Variants in WWTR1 observed in about 807,000 individuals in gnomAD.
The protein encoded by WWTR1 is WW domain-containing transcription regulator protein 1.
WWTR1 carries 13 observed loss-of-function variants against 40.1 expected under a neutral mutation model. The ratio of observed to expected loss-of-function variants is 0.32; its 90% CI spans 0.21 to 0.52. The LOEUF is 0.52. Ranked by LOEUF, WWTR1 falls within the 20% of genes least tolerant of loss-of-function variation. WWTR1 has a pLI of 0.97. For missense variants in WWTR1, 436 were observed against 523.1 expected (o/e 0.83, Z 1.63); for synonymous variants, 230 against 210.1 (o/e 1.09, Z -0.82).
chr3:149,578,502 T>C (rs984980561), intron 2 of WWTR1, among the ~76,000 whole-genome samples: 3 of 152,190 alleles, frequency 2.0e-5, no homozygotes, highest in Non-Finnish European at 4.4e-5. Flanking sequence ...TCAACAACCA[T>C]AGATCGTATA....
intron 2 of WWTR1, among the ~76,000 whole-genome samples, chr3:149,669,084 C>T (rs185232676): frequency 1.3e-5 from 2 of 152,136 alleles, no homozygotes; most frequent in Non-Finnish European, 2.9e-5. Context: ...AAGTTTTTAC[C>T]TTTAGTCAGT....
chr3:149,616,187 G>A (rs973627086), intron 2 of WWTR1, among the ~76,000 whole-genome samples: 1 of 152,036 alleles, frequency 6.6e-6, no homozygotes, highest in African/African-American at 2.4e-5. Flanking sequence ...CTGTCTCATC[G>A]CAGACTCAAT....
rs6780031 is a variant in WWTR1 at position 149,656,408 on chromosome 3, C to T, written c.431+468G>A. Among the ~76,000 whole-genome samples, 698 of 152,212 alleles carry T rather than the reference C, an allele frequency of 4.6e-3. 6 individuals carry two copies. Among genetic ancestry groups the T allele is most frequent in the African/African-American group, 0.016 (652 of 41,510 alleles). ...AACCACTGTTCACTTTTCCAGCTTG[C>T]TTTTCCCAAGAAGATAGAAACTGCA... On this transcript the variant is annotated intron_variant, in intron 2 of 6. Transcript: ENST00000360632.
At chr3:149,642,816 A>G (rs16862083) in intron 2 of WWTR1, among the ~76,000 whole-genome samples, 403 of 152,168 alleles carry the variant, frequency 2.6e-3, no homozygotes, top group African/African-American at 9.2e-3. Context: ...CAAAAGTTGC[A>G]TATGCATAGG....
chr3:149,699,871 C>T (rs1715117381), intron 1 of WWTR1, among the ~76,000 whole-genome samples: 2 of 152,210 alleles, frequency 1.3e-5, no homozygotes. Context: ...GCCTGTGACC[C>T]AGTTCCAAAG....
intron 2 of WWTR1, among the ~76,000 whole-genome samples, chr3:149,603,814 GA>G (rs202211665): frequency 1.0e-4 from 5 of 48,764 alleles, no homozygotes; most frequent in Admixed American, 2.6e-4. Context: ...TAATGTCAAT[GA>G]AAAAAAAATC....
Position 149,622,450 on chromosome 3 carries a change from A to AAAGGAAGG in WWTR1, c.431+34418_431+34425dup, listed in dbSNP as rs1217598530. Among the ~76,000 whole-genome samples the AAAGGAAGG allele has an allele frequency of 3.5e-3, 345 of 98,592 alleles. 7 individuals are homozygous for AAAGGAAGG. Among genetic ancestry groups the AAAGGAAGG allele is most frequent in the Non-Finnish European group, 4.2e-3 (198 of 47,384 alleles). 64.7% of individuals were successfully genotyped at this position (98,592 alleles called of 152,430 possible). ...AAACCATATTTTCCCAGAAAGAAAGAAAGGAAGGAAGGAAGGAAGGAAGGA... is the reference window on the plus strand; with the variant it reads ...AAACCATATTTTCCCAGAAAGAAAGAAAGGAAGGAAGGAAGGAAGGAAGGAAGGAAGGA... On this transcript the variant is annotated intron_variant, in intron 2 of 6. Transcript: ENST00000360632.
At chr3:149,548,952 G>A (rs1360928107) in intron 3 of WWTR1, among the ~76,000 whole-genome samples, 2 of 152,050 alleles carry the variant, frequency 1.3e-5, no homozygotes, top group Admixed American at 6.6e-5. Context: ...ACAGTACTTC[G>A]GTTCCAACAA....
chr3:149,584,478 A>T (rs1738311876), intron 2 of WWTR1, among the ~76,000 whole-genome samples: 1 of 152,218 alleles, frequency 6.6e-6, no homozygotes, highest in South Asian at 2.1e-4. Flanking sequence ...GAACCCCGGC[A>T]TCTCAAGAGA....
intron 3 of WWTR1, among the ~76,000 whole-genome samples, chr3:149,551,293 C>T (rs1194380882): frequency 4.2e-5 from 5 of 120,082 alleles, no homozygotes; most frequent in Admixed American, 8.5e-5. Context: ...AGTGAAACTT[C>T]GTCTCCAAAA....
intron 1 of WWTR1, among the ~76,000 whole-genome samples, chr3:149,692,924 C>A (rs990345923): frequency 1.3e-5 from 2 of 152,038 alleles, no homozygotes; most frequent in African/African-American, 4.8e-5. Context: ...TGTAAGCCAC[C>A]GTGCATGGCT....
chr3:149,560,381 T>A (rs573356193), intron 3 of WWTR1, among the ~76,000 whole-genome samples: 1 of 152,294 alleles, frequency 6.6e-6, no homozygotes. Flanking sequence ...GGGGCAGCCC[T>A]AGGCTGCAGT....
At chr3:149,675,574 A>C (rs1714234182) in intron 1 of WWTR1, among the ~76,000 whole-genome samples, 1 of 152,192 alleles carries the variant, frequency 6.6e-6, no homozygotes, top group African/African-American at 2.4e-5. Flanking sequence ...GGACAGCCAG[A>C]AGAAAGAGCT....
upstream of WWTR1, among the ~76,000 whole-genome samples, chr3:149,705,021 A>C (rs1360549023): frequency 6.6e-6 from 1 of 152,112 alleles, no homozygotes; most frequent in Non-Finnish European, 1.5e-5. Flanking sequence ...AAGAACAAAA[A>C]ATAACTCTTA....
chr3:149,661,422 A>C (rs1713569325), upstream of WWTR1: 1 of 108,848 alleles, frequency 9.2e-6, no homozygotes, highest in Non-Finnish European at 2.0e-5. Flanking sequence ...GTTGCAAATA[A>C]AGTCTTTTTT....
chr3:149,605,134 G>A (rs1739427009), intron 2 of WWTR1, among the ~76,000 whole-genome samples: 1 of 152,230 alleles, frequency 6.6e-6, no homozygotes. Context: ...TGGTTGGAGA[G>A]TGGAGACCTG....
intron 2 of WWTR1, among the ~76,000 whole-genome samples, chr3:149,644,979 G>C (rs1041121624): frequency 1.3e-5 from 2 of 151,960 alleles, no homozygotes; most frequent in African/African-American, 4.8e-5. Flanking sequence ...CAGCCTCCCA[G>C]GTAACTGGGA....
chr3:149,545,460 T>C (rs1036718735), intron 3 of WWTR1, among the ~76,000 whole-genome samples: 51 of 152,200 alleles, frequency 3.4e-4, no homozygotes, highest in Non-Finnish European at 2.1e-4. Context: ...AGTTCTGATA[T>C]CAGAAATACC....
chr3:149,594,921 A>G (rs1250075760), intron 2 of WWTR1, among the ~76,000 whole-genome samples: 2 of 144,632 alleles, frequency 1.4e-5, no homozygotes, highest in Non-Finnish European at 3.0e-5. Flanking sequence ...CTTAGGGAAA[A>G]TCTCATATTG....
Sources: gnomAD v4.1 joint callset for allele counts (sites outside exome capture counted in the v4.1 genomes callset) on GRCh38, gnomAD v4.1.1 for gene constraint, MANE v1.5 for transcripts, NCBI Gene and HGNC (gene_info 2026-07-23, HGNC 2026-07-21) for gene names.